The following NBAS variants were observed in gnomAD, a reference collection of about 807,000 sequenced individuals.
NBAS encodes NAG/BC035112 fusion.
In NBAS, 219 loss-of-function variants were observed where a neutral mutation model predicts 302.5. The ratio of observed to expected loss-of-function variants is 0.72; its 90% CI spans 0.65 to 0.81. The LOEUF (loss-of-function observed/expected upper bound fraction) is 0.81. Ranked by LOEUF, NBAS falls within the 30% of genes least tolerant of loss-of-function variation. The pLI is 0.00. For missense variants in NBAS, 2,932 were observed against 2,841.6 expected, an observed-to-expected ratio of 1.03 and a Z score of -0.72; for synonymous variants, 1,118 against 1,021.6, an observed-to-expected ratio of 1.09 and a Z score of -1.80.
the NBAS span, among the ~76,000 whole-genome samples, chr2:15,010,264 A>G: frequency 6.6e-6 from 1 of 152,194 alleles, no homozygotes; most frequent in Non-Finnish European, 1.5e-5. Flanking sequence ...ACCAGATGAT[A>G]TGAAAGAACA....
rs368048429 is a variant in NBAS, at chr2:15,280,507, T to A, written c.5139-3406A>T. On this transcript the variant is annotated intron_variant, in intron 42 of 51. Transcript: ENST00000281513. The stretch of plus-strand genomic sequence containing the variant: ...AGCTCATTAACACTCATAATAACCC[T>A]CTGCAAAAGGTCTAATTATTCCTAT... Among the ~76,000 whole-genome samples, 3 of 152,232 alleles carry A rather than the reference T, an allele frequency of 2.0e-5. No homozygotes were observed. The East Asian group carries it at 5.8e-4, about 29-fold the overall frequency.
intron 48 of NBAS, among the ~76,000 whole-genome samples, chr2:15,205,117 TAG>T (rs1196413554): frequency 6.6e-6 from 1 of 152,200 alleles, no homozygotes; most frequent in Non-Finnish European, 1.5e-5. Flanking sequence ...AGTTAAGCTG[TAG>T]AGTTTTTATT....
At chr2:15,221,600 G>A (rs952189193) in intron 47 of NBAS, among the ~76,000 whole-genome samples, 2 of 152,276 alleles carry the variant, frequency 1.3e-5, no homozygotes, top group Middle Eastern at 3.4e-3. Flanking sequence ...CAACTGTTTC[G>A]GAGGAAGAGA....
At chr2:15,002,368 T>C in the NBAS span, among the ~76,000 whole-genome samples, 2 of 152,094 alleles carry the variant, frequency 1.3e-5, no homozygotes, top group African/African-American at 2.4e-5. Flanking sequence ...AGGGGGTTGA[T>C]TGGTGTATTT....
At chr2:15,353,445 A>G in intron 34 of NBAS, 108 bp downstream of exon 34, 1 of 1,342,714 alleles carries the variant, frequency 7.4e-7, no homozygotes, top group South Asian at 1.2e-5. Flanking sequence ...TTTCTTCCAT[A>G]AATTAAAATT....
chr2:14,822,051 G>A, the NBAS span, among the ~76,000 whole-genome samples: 6 of 151,258 alleles, frequency 4.0e-5, no homozygotes, highest in Middle Eastern at 3.2e-3. Context: ...AAAAAAAAAT[G>A]TAACATCCAA....
chr2:15,095,414 A>G, the NBAS span, among the ~76,000 whole-genome samples: 2 of 152,278 alleles, frequency 1.3e-5, no homozygotes, highest in South Asian at 4.1e-4. Context: ...AACAAGTTTC[A>G]CCTTATCGAA....
At chr2:15,060,395 A>C in the NBAS span, among the ~76,000 whole-genome samples, 1 of 152,188 alleles carries the variant, frequency 6.6e-6, no homozygotes, top group African/African-American at 2.4e-5. Context: ...TCTTGATTTA[A>C]TGAACTCGGT....
the NBAS span, among the ~76,000 whole-genome samples, chr2:15,010,724 G>A: frequency 6.6e-6 from 1 of 152,130 alleles, no homozygotes; most frequent in Non-Finnish European, 1.5e-5. Context: ...TATGAAATTG[G>A]TGGAGTGGGA....
chr2:15,296,200 G>A (rs1670541026), intron 40 of NBAS, among the ~76,000 whole-genome samples: 1 of 152,132 alleles, frequency 6.6e-6, no homozygotes, highest in East Asian at 1.9e-4. Flanking sequence ...GCATCACCAG[G>A]TGATCACCTT....
intron 42 of NBAS, 66 bp downstream of exon 42, chr2:15,287,007 G>A (rs1670070736): frequency 7.7e-7 from 1 of 1,290,420 alleles, no homozygotes; most frequent in South Asian, 1.2e-5. Context: ...ACTTCTTCAA[G>A]AGTCTTCAAA....
At chr2:15,371,774 G>C (rs1237196942) in intron 31 of NBAS, among the ~76,000 whole-genome samples, 2 of 152,106 alleles carry the variant, frequency 1.3e-5, no homozygotes, top group South Asian at 2.1e-4. Context: ...GAAAGCAAAG[G>C]GGGGATGGAA....
At chr2:14,876,249 CT>C in the NBAS span, among the ~76,000 whole-genome samples, 2 of 152,110 alleles carry the variant, frequency 1.3e-5, no homozygotes, top group Non-Finnish European at 2.9e-5. Flanking sequence ...GTAAATTTTC[CT>C]TTAAGTATCA....
intron 51 of NBAS, 32 bp downstream of exon 51, chr2:15,178,956 A>AAAAG: frequency 1.2e-6 from 2 of 1,613,486 alleles, no homozygotes; most frequent in Non-Finnish European, 8.5e-7. Flanking sequence ...TAAAAAAAAA[A>AAAAG]AAAGAAAGAA....
chr2:15,417,310 G>A (rs192460928), intron 24 of NBAS, among the ~76,000 whole-genome samples: 15 of 152,240 alleles, frequency 9.9e-5, no homozygotes, highest in Admixed American at 9.2e-4. Context: ...ATACAGATGG[G>A]TCTGAGTAAA....
chr2:15,148,989 T>C, the NBAS span, among the ~76,000 whole-genome samples: 2 of 152,152 alleles, frequency 1.3e-5, no homozygotes, highest in Non-Finnish European at 2.9e-5. Context: ...AAAAACCTTT[T>C]GATATTTGCC....
the NBAS span, among the ~76,000 whole-genome samples, chr2:14,980,006 C>G: frequency 7.6e-4 from 115 of 152,198 alleles, 5 homozygotes; most frequent in South Asian, 0.023. Context: ...TTCACAAGGT[C>G]AAACTGAATA....
chr2:15,186,376 T>C (rs1402873943), intron 50 of NBAS, among the ~76,000 whole-genome samples: 1 of 152,144 alleles, frequency 6.6e-6, no homozygotes, highest in Non-Finnish European at 1.5e-5. Flanking sequence ...GGTTATCTGC[T>C]GAGAAGAGTG....
At chr2:15,282,707 T>A (rs1056286156) in intron 42 of NBAS, among the ~76,000 whole-genome samples, 6 of 152,290 alleles carry the variant, frequency 3.9e-5, no homozygotes, top group African/African-American at 1.4e-4. Context: ...AGGCATAGGA[T>A]GTTTGGCCTT....
Sources: allele counts gnomAD v4.1 joint callset (sites outside exome capture counted in the v4.1 genomes callset), GRCh38; gene constraint gnomAD v4.1.1; transcripts MANE v1.5; gene names NCBI Gene and HGNC (gene_info 2026-07-23, HGNC 2026-07-21).